Variants in ZNF540 observed in about 807,000 individuals in gnomAD.
ZNF540 encodes CTD-3064H18.6.
Under a neutral mutation model 11.8 loss-of-function variants are expected in ZNF540, and 3 were observed. The observed-to-expected ratio is 0.25, with a 90% CI of 0.12 to 0.65. The LOEUF is 0.65. Ranked by LOEUF, ZNF540 falls within the 30% of genes least tolerant of loss-of-function variation. The pLI, the probability that ZNF540 is intolerant of heterozygous loss-of-function variation, is 0.83. For missense variants in ZNF540, 709 were observed against 793.1 expected (o/e 0.89, Z 1.27); for synonymous variants, 247 against 259.0 (o/e 0.95, Z 0.45).
intron 1 of ZNF540, chr19:37,563,768 CACAT>C (rs2042754912): frequency 4.2e-5 from 1 of 23,626 alleles, no homozygotes; most frequent in African/African-American, 2.5e-4. Flanking sequence ...TCCACATACA[CACAT>C]GTGGAATATA....
intron 4 of ZNF540, among the ~76,000 whole-genome samples, chr19:37,603,214 C>G (rs1203004501): frequency 1.3e-5 from 2 of 152,020 alleles, no homozygotes; most frequent in African/African-American, 4.8e-5. Flanking sequence ...ACTATGTTGG[C>G]CATGCTGGTC....
intron 1 of ZNF540, among the ~76,000 whole-genome samples, chr19:37,568,343 C>T (rs898569946): frequency 6.9e-6 from 1 of 145,728 alleles, no homozygotes; most frequent in East Asian, 2.2e-4. Flanking sequence ...CATATACACA[C>T]CACAGCTCAG....
rs770322825 is a variant in ZNF540 at position 37,565,019 on chromosome 19, C to T, written c.-73+13354C>T. 6 of 1,613,716 alleles carry T rather than the reference C, an allele frequency of 3.7e-6. No individual in the cohort carries two copies. The highest frequency in any genetic ancestry group is 4.2e-6 in the Non-Finnish European group (5 of 1,179,726). On this transcript the variant is annotated intron_variant, in intron 1 of 4. Coordinates refer to the ZNF540 transcript ENST00000592533. ...TTCCTTACATTCATAATGTTTCTCA[C>T]CATGAATTTTCTCATGTTGAGTAAG...
intron 1 of ZNF540, chr19:37,565,467 G>A: frequency 6.2e-7 from 1 of 1,612,274 alleles, no homozygotes; most frequent in Non-Finnish European, 8.5e-7. Context: ...TATGTAAGGT[G>A]TGAACCAAGA....
At chr19:37,603,686 A>G (rs2044058310) in intron 4 of ZNF540, among the ~76,000 whole-genome samples, 1 of 152,214 alleles carries the variant, frequency 6.6e-6, no homozygotes, top group Admixed American at 6.5e-5. Context: ...ATAACAGTTA[A>G]CATTGATTAT....
rs1480959650 is a variant in ZNF540 at position 37,613,511 on chromosome 19, T to G, written c.*248T>G. Reference sequence around the variant, plus strand: ...TATCATCATTGCCTTTCCACTACTCTACTATCTGTGTGATATTAGACAAAA... The same window carrying G: ...TATCATCATTGCCTTTCCACTACTCGACTATCTGTGTGATATTAGACAAAA... On this transcript the variant is annotated 3_prime_UTR_variant, in exon 5 of 5. Coordinates refer to ENST00000316433, the MANE Select transcript of ZNF540 (RefSeq NM_001172225.3). 2.5e-6 allele frequency: 1 copy of G among 406,522 alleles called. No homozygotes were observed. The highest frequency in any genetic ancestry group is 4.3e-6 in the Non-Finnish European group (1 of 230,200). 25.2% of individuals were successfully genotyped at this position (406,522 alleles called of 1,614,324 possible).
chr19:37,581,730 T>G (rs540982906), intron 1 of ZNF540, among the ~76,000 whole-genome samples: 2 of 151,820 alleles, frequency 1.3e-5, no homozygotes, highest in Non-Finnish European at 2.9e-5. Context: ...CCCAAAGTAC[T>G]GGGATTACAG....
intron 1 of ZNF540, chr19:37,566,390 T>G: frequency 7.4e-7 from 1 of 1,349,538 alleles, no homozygotes. Context: ...TCATTAAGAA[T>G]AGAATGGCTT....
At chr19:37,580,538 C>T (rs896256233) in intron 1 of ZNF540, among the ~76,000 whole-genome samples, 9 of 152,118 alleles carry the variant, frequency 5.9e-5, no homozygotes, top group Non-Finnish European at 8.8e-5. Flanking sequence ...TTGTACCCAC[C>T]AAATCTCATG....
upstream of ZNF540, among the ~76,000 whole-genome samples, chr19:37,590,214 G>A (rs2043826400): frequency 6.6e-6 from 1 of 151,668 alleles, no homozygotes; most frequent in African/African-American, 2.4e-5. Context: ...AGACCATCCT[G>A]GCTAACACAG....
At chr19:37,559,358 T>A (rs2042693816) in intron 1 of ZNF540, among the ~76,000 whole-genome samples, 1 of 152,242 alleles carries the variant, frequency 6.6e-6, no homozygotes, top group Admixed American at 6.5e-5. Flanking sequence ...GTATAATCAG[T>A]TGTAATATAT....
intron 1 of ZNF540, chr19:37,575,710 C>T (rs1328466460): frequency 6.6e-6 from 1 of 152,168 alleles, no homozygotes; most frequent in African/African-American, 2.4e-5. Flanking sequence ...TCCATGATCA[C>T]ACATCACTGT....
intron 1 of ZNF540, among the ~76,000 whole-genome samples, chr19:37,562,022 A>G (rs2042722388): frequency 6.6e-6 from 1 of 152,196 alleles, no homozygotes; most frequent in South Asian, 2.1e-4. Flanking sequence ...TTTAGATTAT[A>G]ATCATACACT....
At chr19:37,564,544 A>T in intron 1 of ZNF540, 1 of 1,429,492 alleles carries the variant, frequency 7.0e-7, no homozygotes, top group East Asian at 2.4e-5. Flanking sequence ...TACATTCATT[A>T]TAGATATGAA....
intron 4 of ZNF540, among the ~76,000 whole-genome samples, chr19:37,601,376 G>A (rs1377676647): frequency 6.6e-6 from 1 of 152,128 alleles, no homozygotes; most frequent in Non-Finnish European, 1.5e-5. Context: ...CTCTTTCCTA[G>A]TGCAATCAAT....
At chr19:37,562,807 GTATTA>G (rs1330968494) in intron 1 of ZNF540, 1 of 152,176 alleles carries the variant, frequency 6.6e-6, no homozygotes, top group Non-Finnish European at 1.5e-5. Flanking sequence ...CATAATTCAT[GTATTA>G]TATTTTTCAA....
chr19:37,560,546 T>C (rs2042705559), intron 1 of ZNF540: 1 of 151,886 alleles, frequency 6.6e-6, no homozygotes, highest in Non-Finnish European at 1.5e-5. Flanking sequence ...TAATTTTGTA[T>C]TTTTAGTGGA....
At chr19:37,604,074 GCTAAA>G (rs1461597552) in intron 4 of ZNF540, among the ~76,000 whole-genome samples, 1 of 151,906 alleles carries the variant, frequency 6.6e-6, no homozygotes, top group African/African-American at 2.4e-5. Flanking sequence ...TTCTCGAGTA[GCTAAA>G]CTAACTTTAA....
chr19:37,613,002 G>T lies in ZNF540; in HGVS notation c.1722G>T (p.Thr574=). The T allele has an allele frequency of 5.6e-6, 9 of 1,613,900 alleles. No individual in the cohort carries two copies. Among genetic ancestry groups the T allele is most frequent in the Non-Finnish European group, 7.6e-6 (9 of 1,179,960 alleles). The change falls in exon 5 of 5, where the codon ACG becomes ACT. Residue 574 remains threonine (T), a synonymous_variant. Transcript: ENST00000316433. ...TCACTGAACATCAGAAAATTCATACGGGTGTAAAACCATACAAATGTAAAG... is the reference window on the plus strand; with the variant it reads ...TCACTGAACATCAGAAAATTCATACTGGTGTAAAACCATACAAATGTAAAG... ...GQFTEHQKIH[T]GVKPYKCKEC...
Sources: allele counts gnomAD v4.1 joint callset (sites outside exome capture counted in the v4.1 genomes callset), GRCh38; gene constraint gnomAD v4.1.1; transcripts MANE v1.5; gene names NCBI Gene and HGNC (gene_info 2026-07-23, HGNC 2026-07-21).